The following CDKAL1 variants were observed in gnomAD, a reference collection of about 807,000 sequenced individuals.
CDKAL1 encodes CDKAL1 threonylcarbamoyladenosine tRNA methylthiotransferase, also known as threonylcarbamoyladenosine tRNA methylthiotransferase.
CDKAL1 carries 32 observed loss-of-function variants against 68.2 expected under a neutral mutation model. That is an observed-to-expected ratio of 0.47 (90% CI 0.35 to 0.63). The LOEUF (loss-of-function observed/expected upper bound fraction) is 0.63. Ranked by LOEUF, CDKAL1 falls within the 30% of genes least tolerant of loss-of-function variation. The pLI is 0.00. For missense variants in CDKAL1, 606 were observed against 696.7 expected (o/e 0.87, Z 1.47); for synonymous variants, 234 against 244.3 (o/e 0.96, Z 0.39).
chr6:20,966,437 C>G (rs1370287331), intron 10 of CDKAL1, among the ~76,000 whole-genome samples: 1 of 152,158 alleles, frequency 6.6e-6, no homozygotes, highest in African/African-American at 2.4e-5. Flanking sequence ...TGTATCAGAA[C>G]TATCGAATAT....
intron 5 of CDKAL1, among the ~76,000 whole-genome samples, chr6:20,698,292 G>A (rs1771194055): frequency 6.6e-6 from 1 of 152,116 alleles, no homozygotes; most frequent in Non-Finnish European, 1.5e-5. Flanking sequence ...AAGTTGCAAA[G>A]AAACCTCTTA....
intron 8 of CDKAL1, among the ~76,000 whole-genome samples, chr6:20,793,354 C>T (rs115093320): frequency 0.016 from 2,402 of 152,154 alleles, 45 homozygotes; most frequent in African/African-American, 0.054. Context: ...GTGTCAGTAG[C>T]GGCGTTGATG....
At chr6:21,077,765 T>G (rs1484986131) in intron 12 of CDKAL1, among the ~76,000 whole-genome samples, 1 of 152,172 alleles carries the variant, frequency 6.6e-6, no homozygotes, top group Non-Finnish European at 1.5e-5. Context: ...CAATTCGACA[T>G]GAGATTTGGG....
At chr6:20,885,789 A>ACTAAATACGTAAAT (rs1761038233) in intron 9 of CDKAL1, among the ~76,000 whole-genome samples, 3 of 152,324 alleles carry the variant, frequency 2.0e-5, no homozygotes, top group South Asian at 2.1e-4. Context: ...ATACGTAAAG[A>ACTAAATACGTAAAT]ACTAAAACTC....
intron 8 of CDKAL1, among the ~76,000 whole-genome samples, chr6:20,819,963 A>G (rs1777208341): frequency 6.6e-6 from 1 of 152,184 alleles, no homozygotes; most frequent in African/African-American, 2.4e-5. Flanking sequence ...CTGCGTAGTA[A>G]CCGCAGCAGC....
At chr6:21,168,187 C>T (rs966254218) in intron 13 of CDKAL1, among the ~76,000 whole-genome samples, 6 of 152,172 alleles carry the variant, frequency 3.9e-5, no homozygotes, top group Non-Finnish European at 7.3e-5. Context: ...ATCAAGTCAA[C>T]CCTTCTTTCT....
At position 21,177,393 on chromosome 6, in the gene CDKAL1, T is replaced by C. The variant is rs1366842115; in HGVS notation, c.1300-20628T>C. ...ACACACTTAATTTTGTTAGAGAATG[T>C]ATCTGTTATCAAATACATTAAGAAC... On this transcript the variant is annotated intron_variant, in intron 13 of 15. Coordinates refer to ENST00000274695, the MANE Select transcript of CDKAL1 (RefSeq NM_017774.3). Among the ~76,000 whole-genome samples, 5 of 152,338 alleles carry C rather than the reference T, an allele frequency of 3.3e-5. No homozygotes were observed. In the South Asian group the frequency reaches 8.3e-4, roughly 25 times the overall value.
At chr6:20,767,265 G>T (rs1206105822) in intron 7 of CDKAL1, among the ~76,000 whole-genome samples, 1 of 152,138 alleles carries the variant, frequency 6.6e-6, no homozygotes, top group Non-Finnish European at 1.5e-5. Flanking sequence ...GCAGGGTAAA[G>T]TTGTAGGTTA....
At chr6:21,054,902 A>G (rs908927713) in intron 11 of CDKAL1, among the ~76,000 whole-genome samples, 1 of 99,722 alleles carries the variant, frequency 1.0e-5, no homozygotes, top group Non-Finnish European at 2.3e-5. Context: ...CACCTGCCCA[A>G]AAAAAAAAAA....
intron 5 of CDKAL1, among the ~76,000 whole-genome samples, chr6:20,712,676 A>G (rs111473450): frequency 0.068 from 10,308 of 151,758 alleles, 1,109 homozygotes; most frequent in African/African-American, 0.23. Context: ...ATGGAGTCTC[A>G]CTCTGTCGCC....
intron 13 of CDKAL1, among the ~76,000 whole-genome samples, chr6:21,167,058 G>A (rs1777183639): frequency 6.6e-6 from 1 of 152,148 alleles, no homozygotes; most frequent in Admixed American, 6.5e-5. Context: ...TTGTCATGAG[G>A]AACAAATGAG....
intron 12 of CDKAL1, among the ~76,000 whole-genome samples, chr6:21,066,127 G>A (rs1292292463): frequency 1.3e-5 from 2 of 151,968 alleles, no homozygotes; most frequent in African/African-American, 4.8e-5. Flanking sequence ...TAGCGTAAGT[G>A]AATATCAAAC....
intron 12 of CDKAL1, among the ~76,000 whole-genome samples, chr6:21,078,649 C>T (rs1332666962): frequency 6.6e-6 from 1 of 152,126 alleles, no homozygotes; most frequent in Non-Finnish European, 1.5e-5. Flanking sequence ...GCTTGTAGTT[C>T]CCAGCATACT....
intron 8 of CDKAL1, among the ~76,000 whole-genome samples, chr6:20,819,949 G>T (rs1230412561): frequency 6.6e-6 from 1 of 152,076 alleles, no homozygotes; most frequent in Admixed American, 6.6e-5. Context: ...CACAGATATG[G>T]AGGCTGCGTA....
chr6:20,890,221 ACAATGTACAC>A (rs1480851755), intron 9 of CDKAL1, among the ~76,000 whole-genome samples: 2 of 152,238 alleles, frequency 1.3e-5, no homozygotes, highest in African/African-American at 4.8e-5. Flanking sequence ...CTGATGTTTT[ACAATGTACAC>A]ACCATGTGTG....
intron 13 of CDKAL1, among the ~76,000 whole-genome samples, chr6:21,135,408 G>T (rs1293801594): frequency 1.3e-5 from 2 of 151,994 alleles, no homozygotes. Flanking sequence ...AACTTTCCTG[G>T]ATTTCATCTG....
intron 4 of CDKAL1, among the ~76,000 whole-genome samples, chr6:20,574,216 C>A (rs755818002): frequency 1.3e-5 from 2 of 152,096 alleles, no homozygotes; most frequent in Non-Finnish European, 2.9e-5. Context: ...CAAATGATTT[C>A]TACAAAAATA....
At chr6:21,049,417 T>C (rs1472380216) in intron 11 of CDKAL1, among the ~76,000 whole-genome samples, 2 of 152,216 alleles carry the variant, frequency 1.3e-5, no homozygotes, top group East Asian at 3.8e-4. Flanking sequence ...AAGAATTGTG[T>C]TAGCAGTACC....
chr6:20,670,644 C>T (rs1346530176), intron 5 of CDKAL1, among the ~76,000 whole-genome samples: 1 of 152,030 alleles, frequency 6.6e-6, no homozygotes, highest in Non-Finnish European at 1.5e-5. Flanking sequence ...GTCTCTTATT[C>T]CCCATTTATT....
Sources: gnomAD v4.1 joint callset for allele counts (sites outside exome capture counted in the v4.1 genomes callset) on GRCh38, gnomAD v4.1.1 for gene constraint, MANE v1.5 for transcripts, NCBI Gene and HGNC (gene_info 2026-07-23, HGNC 2026-07-21) for gene names.